The following SLIT1 variants were observed in gnomAD, a reference collection of about 807,000 sequenced individuals.
SLIT1 encodes slit guidance ligand 1.
A neutral mutation model predicts 186.1 loss-of-function variants in SLIT1; 66 were observed. That is an observed-to-expected ratio of 0.35 (90% CI 0.29 to 0.44). The LOEUF is 0.44. SLIT1 is among the 20% of genes least tolerant of loss of function. SLIT1 has a pLI of 1.00. For synonymous variants in SLIT1, 761 were observed against 833.8 expected (o/e 0.91, Z 1.50); for missense variants, 1,638 against 2,037.4 (o/e 0.80, Z 3.77).
At position 97,043,336 on chromosome 10, in the gene SLIT1, G is replaced by T; in HGVS notation, c.1997+34C>A. 2 of 1,611,936 alleles carry T rather than the reference G, an allele frequency of 1.2e-6. No homozygotes were observed. The highest frequency in any genetic ancestry group is 2.1e-4 in the Middle Eastern group (1 of 4,776). On this transcript the variant is annotated intron_variant, in intron 19 of 36. Transcript: ENST00000266058. The surrounding 1 kb of genome is among the most constrained non-coding windows in gnomAD (Gnocchi z 7.0). ...AGACGGTTGGGACGGTTGCTCCAGA[G>T]CCCCCGCCCGCCTGTCCTGGAGGCC... is the stretch of plus-strand genomic sequence containing the variant.
Position 97,049,026 on chromosome 10 carries a change from C to A in SLIT1, c.1394G>T (p.Arg465Leu), listed in dbSNP as rs1564661987. 2 of 1,612,286 alleles carry A rather than the reference C, an allele frequency of 1.2e-6. No homozygotes were observed. Among genetic ancestry groups the A allele is most frequent in the Non-Finnish European group, 1.7e-6 (2 of 1,179,710 alleles). The part of the protein sequence containing the change: ...RTNPIETSGA[R>L]CASPRRLANK... ...GGCGAGGCGCCGGGGACTGGCACAG[C>A]GGGCACCACTCGTCTCGATGGGATT... Residue 465 changes from arginine to leucine, a missense_variant, in exon 14 of 37, where the codon CGC becomes CTC. Physicochemically the swap from Arg to Leu is moderately radical, Grantham distance 102 (BLOSUM62 -2). Around this residue, in one of 3 missense-constraint regions of SLIT1, gnomAD observed 1,245 missense variants for 1,535.3 expected, o/e 0.81. Transcript: ENST00000266058.
intron 30 of SLIT1, among the ~76,000 whole-genome samples, chr10:97,013,344 G>A (rs1041866052): frequency 1.3e-5 from 2 of 152,170 alleles, no homozygotes; most frequent in Non-Finnish European, 2.9e-5. Flanking sequence ...TTTGTAACTG[G>A]GGATAAGAAA....
intron 4 of SLIT1, among the ~76,000 whole-genome samples, chr10:97,120,005 A>C (rs2134686639): frequency 7.0e-6 from 1 of 143,290 alleles, no homozygotes; most frequent in Non-Finnish European, 1.5e-5. Context: ...TCTGTCAGTT[A>C]CCTTCTAGTT....
At position 97,162,903 on chromosome 10, in the gene SLIT1, C is replaced by T. The variant is rs562131280; in HGVS notation, c.341+477G>A. Among the ~76,000 whole-genome samples, 152 of 152,048 alleles carry T rather than the reference C, an allele frequency of 1.0e-3. 3 individuals are homozygous for T. The highest frequency in any genetic ancestry group is 1.9e-4 in the Non-Finnish European group (13 of 68,018). ...CATTTTCAAACTTAAAAGCCCTATT[C>T]AGCAACAAACCATGTGAATCAGGAC... is the stretch of plus-strand genomic sequence containing the variant. On this transcript the variant is annotated intron_variant, in intron 3 of 36. Coordinates refer to ENST00000266058, the MANE Select transcript of SLIT1 (RefSeq NM_003061.3).
rs1850402219 is a variant in SLIT1 at position 97,185,597 on chromosome 10, C to A, written c.78G>T (p.Ala26=). ...PELWLLLWAA[A]WRLGASACPA... is the part of the protein sequence containing the mutation. Reference sequence around the variant, plus strand: ...GGCACGCCGAGGCACCCAGGCGCCACGCGGCTGCCCACAGCAGCAGCCAGA... The same window carrying A: ...GGCACGCCGAGGCACCCAGGCGCCAAGCGGCTGCCCACAGCAGCAGCCAGA... Residue 26 remains alanine (A), a synonymous_variant, in exon 1 of 37, where the codon GCG becomes GCT. Coordinates refer to ENST00000266058, the MANE Select transcript of SLIT1 (RefSeq NM_003061.3). The A allele has an allele frequency of 2.5e-6, 4 of 1,590,480 alleles. No individual in the cohort carries two copies. Among genetic ancestry groups the A allele is most frequent in the Non-Finnish European group, 3.4e-6 (4 of 1,169,976 alleles).
intron 4 of SLIT1, among the ~76,000 whole-genome samples, chr10:97,133,849 C>A (rs965603520): frequency 6.6e-6 from 1 of 152,128 alleles, no homozygotes; most frequent in Admixed American, 6.5e-5. Context: ...AAAACTCACT[C>A]CAGCACCACC....
chr10:97,097,130 C>T lies in SLIT1; in HGVS notation c.414-31044G>A, dbSNP rs558506915. On this transcript the variant is annotated intron_variant, in intron 4 of 36. Coordinates refer to ENST00000266058, the MANE Select transcript of SLIT1 (RefSeq NM_003061.3). ...CCGCCTAGCCTAGGCCAGGCTCCCA[C>T]CCAAGCGCCTCCACGTCCTGCACAC... Among the ~76,000 whole-genome samples, 12 of 152,346 alleles carry T rather than the reference C, an allele frequency of 7.9e-5. 1 individual carries two copies. In the East Asian group the frequency reaches 2.3e-3, roughly 29 times the overall value.
intron 11 of SLIT1, 87 bp from the exon 12 acceptor site, chr10:97,057,368 G>T: frequency 1.9e-6 from 2 of 1,045,876 alleles, no homozygotes; most frequent in Non-Finnish European, 2.9e-6. Flanking sequence ...GCTCAACAGC[G>T]CTGCCCCTAA....
rs1227779922 is a variant in SLIT1, at chr10:97,163,391, C to T, written c.330G>A (p.Glu110=). 2 of 1,613,952 alleles carry T rather than the reference C, an allele frequency of 1.2e-6. No homozygotes were observed. Among genetic ancestry groups the T allele is most frequent in the Non-Finnish European group, 1.7e-6 (2 of 1,179,940 alleles). Residue 110 remains glutamate, a synonymous_variant, in exon 3 of 37, where the codon GAG becomes GAA. Transcript: ENST00000266058. ...CTGCCAGGACTCACAGCCGCTCCAG[C>T]TCCTTCATGTCATCAAAAGCACCAC... ...VERGAFDDMK[E]LERLRLNRNQ... is the part of the protein sequence containing the mutation.
chr10:97,136,822 A>G (rs1405210015), intron 4 of SLIT1, among the ~76,000 whole-genome samples: 4 of 152,220 alleles, frequency 2.6e-5, no homozygotes, highest in Non-Finnish European at 5.9e-5. Context: ...TGGCCGGGTC[A>G]CCAGGAACAC....
chr10:97,184,066 T>C lies in SLIT1; in HGVS notation c.197+1412A>G. On this transcript the variant is annotated intron_variant, in intron 1 of 36. Coordinates refer to ENST00000266058, the MANE Select transcript of SLIT1 (RefSeq NM_003061.3). This position sits in a 1 kb window ranked among gnomAD's most constrained non-coding sequence, Gnocchi z 4.4. The stretch of plus-strand genomic sequence containing the variant: ...CACACACACACACACACACTTCCCA[T>C]CTAGATTGCATCTAGATTGCAAATT... Among the ~76,000 whole-genome samples, 1 of 140,990 alleles carries C rather than the reference T, an allele frequency of 7.1e-6. No individual in the cohort carries two copies. The highest frequency in any genetic ancestry group is 2.6e-5 in the African/African-American group (1 of 38,210). The allele number at this position is 140,990 out of a possible 152,430, so 92.5% of individuals were successfully genotyped here. A position where few individuals can be genotyped will look rare whatever the true frequency, so the allele number is the denominator to read the frequency against.
intron 25 of SLIT1, among the ~76,000 whole-genome samples, chr10:97,025,021 G>A (rs937896741): frequency 1.3e-5 from 2 of 152,212 alleles, no homozygotes; most frequent in African/African-American, 4.8e-5. Flanking sequence ...TGTAGTCCCA[G>A]CACTTTGGGA....
rs1276981137 is a variant in SLIT1, at chr10:97,000,250, G to A, written c.*862C>T. Reference sequence around the variant, plus strand: ...TACCAATAGGTCACCGACAGCTTGTGGCTGACTGGTGGCTGGGGAAGCCCA... The same window carrying A: ...TACCAATAGGTCACCGACAGCTTGTAGCTGACTGGTGGCTGGGGAAGCCCA... On this transcript the variant is annotated 3_prime_UTR_variant, in exon 37 of 37. Coordinates refer to ENST00000266058, the MANE Select transcript of SLIT1 (RefSeq NM_003061.3). 6.6e-6 allele frequency: 1 copy of A among 152,368 alleles called. No homozygotes were observed. Among genetic ancestry groups the A allele is most frequent in the East Asian group, 1.9e-4 (1 of 5,192 alleles). 9.4% of individuals were successfully genotyped at this position (152,368 alleles called of 1,614,324 possible).
intron 25 of SLIT1, among the ~76,000 whole-genome samples, chr10:97,023,826 C>T (rs1423024580): frequency 6.6e-6 from 1 of 152,074 alleles, no homozygotes; most frequent in African/African-American, 2.4e-5. Context: ...GCCTGTAGCC[C>T]CAGCTACTCG....
At chr10:97,074,957 G>A (rs1283773184) in intron 4 of SLIT1, among the ~76,000 whole-genome samples, 1 of 152,256 alleles carries the variant, frequency 6.6e-6, no homozygotes, top group Non-Finnish European at 1.5e-5. Context: ...GCCTCTAAGG[G>A]GATTAGCAGT....
intron 4 of SLIT1, among the ~76,000 whole-genome samples, chr10:97,145,055 C>T (rs1048518739): frequency 2.6e-5 from 4 of 152,126 alleles, no homozygotes; most frequent in Non-Finnish European, 5.9e-5. Flanking sequence ...GCAGAGCTGC[C>T]TTTGGGGTGC....
rs1564651580 is a variant in SLIT1, at chr10:97,004,658, C to T, written c.3710+35G>A. 2 of 1,613,456 alleles carry T rather than the reference C, an allele frequency of 1.2e-6. No homozygotes were observed. Among genetic ancestry groups the T allele is most frequent in the South Asian group, 1.1e-5 (1 of 91,042 alleles). On this transcript the variant is annotated intron_variant, in intron 33 of 36. Transcript: ENST00000266058. The surrounding 1 kb of genome is among the most constrained non-coding windows in gnomAD (Gnocchi z 5.1). ...GACCTCGCCCTGGCAGTCCCGTACC[C>T]CTGAGGGCAGCTGGGGGGCATAAGG...
intron 4 of SLIT1, among the ~76,000 whole-genome samples, chr10:97,108,361 C>G (rs956446642): frequency 6.6e-6 from 1 of 152,254 alleles, no homozygotes; most frequent in Admixed American, 6.5e-5. Flanking sequence ...AGTAACAGTG[C>G]TGAGGAGTGA....
At chr10:97,178,581 C>A (rs954018248) in intron 1 of SLIT1, among the ~76,000 whole-genome samples, 2 of 152,152 alleles carry the variant, frequency 1.3e-5, no homozygotes, top group African/African-American at 4.8e-5. Flanking sequence ...ATTATCAGAG[C>A]AATTGATGAA....
Sources: allele counts gnomAD v4.1 joint callset (sites outside exome capture counted in the v4.1 genomes callset), GRCh38; gene constraint gnomAD v4.1.1; regional missense constraint gnomAD v4.1.1; non-coding constraint Gnocchi (gnomAD v3.1); transcripts MANE v1.5; gene names NCBI Gene and HGNC (gene_info 2026-07-23, HGNC 2026-07-21).